The following LRRK2 variants were observed in gnomAD, a reference collection of about 807,000 sequenced individuals.
LRRK2 encodes the protein leucine rich repeat kinase 2, also known as leucine-rich repeat serine/threonine-protein kinase 2.
A neutral mutation model predicts 302.6 loss-of-function variants in LRRK2; 203 were observed. That is an observed-to-expected ratio of 0.67 (90% confidence interval 0.60 to 0.75). The LOEUF (loss-of-function observed/expected upper bound fraction) is 0.75, where lower values mean the gene tolerates loss of function less well. Among genes scored for constraint, LRRK2 ranks in the 30% least tolerant of loss-of-function variants. LRRK2 has a pLI of 0.00. For missense variants in LRRK2, 2,830 were observed against 2,951.0 expected (o/e 0.96, Z 0.95); for synonymous variants, 1,066 against 1,031.9 (o/e 1.03, Z -0.63).
chr12:40,348,369 C>T (rs1410294247), intron 42 of LRRK2, 40 bp from the exon 43 acceptor site: 3 of 1,362,390 alleles, frequency 2.2e-6, no homozygotes, highest in South Asian at 1.2e-5. Context: ...ACCATTCTTA[C>T]TTATTTAGTA....
chr12:40,284,369 A>AT (rs977082627), intron 19 of LRRK2, among the ~76,000 whole-genome samples: 5 of 151,518 alleles, frequency 3.3e-5, no homozygotes, highest in Non-Finnish European at 5.9e-5. Context: ...AGCTTTTTGA[A>AT]GGGGTACTTT....
At position 40,235,698 on chromosome 12, in the gene LRRK2, T is replaced by C. The variant is rs763252563; in HGVS notation, c.420T>C (p.Asp140=). The C allele has an allele frequency of 6.3e-7, 1 of 1,597,934 alleles. No homozygotes were observed. Among genetic ancestry groups the C allele is most frequent in the Admixed American group, 1.7e-5 (1 of 59,976 alleles). ...NLSVIGLKTL[D]LLLTSGKITL... Reference sequence around the variant, plus strand: ...CAGTGATTGGACTGAAGACCTTAGATCTCCTCCTAACTTCAGGTAATATGT... The same window carrying C: ...CAGTGATTGGACTGAAGACCTTAGACCTCCTCCTAACTTCAGGTAATATGT... The change falls in exon 4 of 51, where the codon GAT becomes GAC. Residue 140 remains aspartate (D), a synonymous_variant. Transcript: ENST00000298910.
chr12:40,292,071 C>T (rs989275350), intron 20 of LRRK2, among the ~76,000 whole-genome samples: 4 of 152,026 alleles, frequency 2.6e-5, no homozygotes, highest in Non-Finnish European at 5.9e-5. Context: ...AGCACTTTTT[C>T]CATAACTGCC....
At chr12:40,265,682 G>A (rs1942978310) in intron 14 of LRRK2, among the ~76,000 whole-genome samples, 1 of 152,110 alleles carries the variant, frequency 6.6e-6, no homozygotes, top group Non-Finnish European at 1.5e-5. Flanking sequence ...ATTATAATGA[G>A]CAAAGGGTCA....
intron 14 of LRRK2, among the ~76,000 whole-genome samples, chr12:40,273,135 AT>A (rs1488478932): frequency 6.6e-6 from 1 of 152,172 alleles, no homozygotes; most frequent in Non-Finnish European, 1.5e-5. Context: ...CAGCCTTCCA[AT>A]TTCACTTTGC....
chr12:40,301,962 A>G (rs1032561317), intron 25 of LRRK2, among the ~76,000 whole-genome samples: 1 of 152,092 alleles, frequency 6.6e-6, no homozygotes, highest in Non-Finnish European at 1.5e-5. Context: ...GCAGATCACA[A>G]GGTCAGGAGA....
Position 40,328,356 on chromosome 12 carries a change from A to G in LRRK2, c.5657-4A>G. 1.9e-6 allele frequency: 3 copies of G among 1,613,040 alleles called. No homozygotes were observed. Among genetic ancestry groups the G allele is most frequent in the Non-Finnish European group, 2.5e-6 (3 of 1,179,118 alleles). On this transcript the variant is annotated splice_region_variant and splice_polypyrimidine_tract_variant and intron_variant, in intron 38 of 50. Transcript: ENST00000298910. Reference sequence around the variant, plus strand: ...TTAAGTGCTTTGTATTTTCTTTTCAAAAGGTGATGGCAGTTTTGGATCAGT... The same window carrying G: ...TTAAGTGCTTTGTATTTTCTTTTCAGAAGGTGATGGCAGTTTTGGATCAGT...
At chr12:40,355,405 G>A (rs1946494793) in intron 45 of LRRK2, among the ~76,000 whole-genome samples, 1 of 152,126 alleles carries the variant, frequency 6.6e-6, no homozygotes, top group Middle Eastern at 3.4e-3. Flanking sequence ...AGTGGGAGCA[G>A]TTGTCAATGT....
At chr12:40,360,421 C>T (rs1946667155) in intron 47 of LRRK2, among the ~76,000 whole-genome samples, 1 of 152,126 alleles carries the variant, frequency 6.6e-6, no homozygotes, top group East Asian at 1.9e-4. Flanking sequence ...CTCCCTTTAT[C>T]CACTTGACCC....
chr12:40,355,544 C>CCT (rs1447806099), intron 45 of LRRK2, among the ~76,000 whole-genome samples: 3 of 38,098 alleles, frequency 7.9e-5, no homozygotes, highest in Non-Finnish European at 1.5e-4. Flanking sequence ...TTCCTTCCTT[C>CCT]TTCTTTTTTT....
At chr12:40,338,678 G>C (rs1427272) in intron 40 of LRRK2, among the ~76,000 whole-genome samples, 116,886 of 152,160 alleles carry the variant, frequency 0.77, 45,741 homozygotes, top group Non-Finnish European at 0.86. Context: ...TTATCTCTTT[G>C]CCACTGACAT....
intron 37 of LRRK2, 94 bp downstream of exon 37, chr12:40,322,604 G>A (rs1302813259): frequency 2.6e-6 from 3 of 1,134,830 alleles, no homozygotes; most frequent in African/African-American, 3.1e-5. Context: ...ATCCATAAGG[G>A]ATGAGTTGAA....
intron 2 of LRRK2, among the ~76,000 whole-genome samples, chr12:40,231,795 A>T (rs544668104): frequency 1.5e-3 from 216 of 146,732 alleles, no homozygotes; most frequent in African/African-American, 4.7e-3. Context: ...AAATTAAATT[A>T]TATATATATA....
chr12:40,260,714 A>G (rs1373086867), intron 13 of LRRK2, among the ~76,000 whole-genome samples: 1 of 152,130 alleles, frequency 6.6e-6, no homozygotes, highest in Non-Finnish European at 1.5e-5. Flanking sequence ...GAGACTAGAT[A>G]CAAGGAGATT....
intron 38 of LRRK2, among the ~76,000 whole-genome samples, chr12:40,327,353 T>G (rs1452301913): frequency 1.3e-5 from 2 of 152,178 alleles, no homozygotes; most frequent in Non-Finnish European, 2.9e-5. Context: ...CTAATTCTAC[T>G]AAGTACAGAA....
chr12:40,232,145 G>A, intron 2 of LRRK2, 129 bp from the exon 3 acceptor site: 2 of 734,854 alleles, frequency 2.7e-6, no homozygotes, highest in African/African-American at 1.7e-5. Flanking sequence ...GTATCATTTT[G>A]TTGTATAACC....
Position 40,305,900 on chromosome 12 carries a change from C to G in LRRK2, c.3893C>G (p.Pro1298Arg). 2 of 1,613,242 alleles carry G rather than the reference C, an allele frequency of 1.2e-6. No individual in the cohort carries two copies. The highest frequency in any genetic ancestry group is 2.2e-5 in the South Asian group (2 of 91,028). Residue 1298 changes from proline to arginine, a missense_variant, in exon 28 of 51, where the codon CCT becomes CGT. Pro to Arg is a moderately radical substitution (Grantham distance 103, BLOSUM62 -2). This residue lies in a region of LRRK2 where 2,121 missense variants were observed against 2,148.0 expected (regional missense o/e 0.99). Coordinates refer to ENST00000298910, the MANE Select transcript of LRRK2 (RefSeq NM_198578.4). The stretch of plus-strand genomic sequence containing the variant: ...AAATTAAGCAAAATATGGGATCTTC[C>G]TTTGGATGAACTGCATCTTAACTTT... ...MGKLSKIWDL[P>R]LDELHLNFDF...
At chr12:40,345,028 G>A (rs1050358959) in intron 41 of LRRK2, among the ~76,000 whole-genome samples, 44 of 152,080 alleles carry the variant, frequency 2.9e-4, no homozygotes, top group African/African-American at 1.0e-3. Flanking sequence ...GGACTGCTGA[G>A]CTCCATCTTT....
At position 40,225,160 on chromosome 12, in the gene LRRK2, A is replaced by T. The variant is rs759670012; in HGVS notation, c.29A>T (p.Glu10Val). The T allele has an allele frequency of 6.2e-7, 1 of 1,614,072 alleles. No homozygotes were observed. The highest frequency in any genetic ancestry group is 8.5e-7 in the Non-Finnish European group (1 of 1,180,014). MASGSCQGC[E>V]EDEETLKKLI... ...GCTAGTGGCAGCTGTCAGGGGTGCG[A>T]AGAGGACGAGGAAACTCTGAAGAAG... The change falls in exon 1 of 51, where the codon GAA becomes GTA. Residue 10 changes from glutamate (E) to valine (V), a missense_variant. Physicochemically the swap from Glu to Val is moderately radical, Grantham distance 121. Transcript: ENST00000298910.
Sources: allele counts gnomAD v4.1 joint callset (sites outside exome capture counted in the v4.1 genomes callset), GRCh38; gene constraint gnomAD v4.1.1; regional missense constraint gnomAD v4.1.1; transcripts MANE v1.5; gene names NCBI Gene and HGNC (gene_info 2026-07-23, HGNC 2026-07-21).